The following PACRG variants were observed in gnomAD, a reference collection of about 807,000 sequenced individuals.
The protein encoded by PACRG is parkin coregulated gene protein.
In PACRG, 29 loss-of-function variants were observed where a neutral mutation model predicts 29.7. That is an observed-to-expected ratio of 0.98 (90% confidence interval 0.73 to 1.33). The LOEUF (loss-of-function observed/expected upper bound fraction) is 1.33. Among genes scored for constraint, PACRG ranks in the 40% most tolerant of loss-of-function variants. The pLI, the probability that PACRG is intolerant of heterozygous loss-of-function variation, is 0.00. For missense variants in PACRG, 279 were observed against 316.2 expected, an observed-to-expected ratio of 0.88 and a Z score of 0.89; for synonymous variants, 116 against 118.7, an observed-to-expected ratio of 0.98 and a Z score of 0.15.
intron 1 of PACRG, among the ~76,000 whole-genome samples, chr6:162,755,679 C>T (rs1429994284): frequency 6.6e-6 from 1 of 152,108 alleles, no homozygotes; most frequent in Non-Finnish European, 1.5e-5. Flanking sequence ...TCAAATGGTC[C>T]ACCCACCTTG....
chr6:163,032,167 A>T (rs1187289075), intron 2 of PACRG, among the ~76,000 whole-genome samples: 2 of 152,272 alleles, frequency 1.3e-5, no homozygotes, highest in African/African-American at 4.8e-5. Context: ...TAATTGCTAA[A>T]AAGCTGTAAA....
chr6:162,800,098 C>T (rs1421281794), intron 1 of PACRG, among the ~76,000 whole-genome samples: 7 of 152,144 alleles, frequency 4.6e-5, no homozygotes, highest in Admixed American at 3.9e-4. Flanking sequence ...ATAGCATAGT[C>T]TAAATTGAAG....
At chr6:162,850,603 C>T (rs974400155) in intron 2 of PACRG, among the ~76,000 whole-genome samples, 1 of 152,164 alleles carries the variant, frequency 6.6e-6, no homozygotes, top group Non-Finnish European at 1.5e-5. Flanking sequence ...AAGGACAGGG[C>T]TCAGGGAGCT....
chr6:163,069,298 A>AC (rs1348686266), intron 3 of PACRG, among the ~76,000 whole-genome samples: 1 of 152,072 alleles, frequency 6.6e-6, no homozygotes, highest in East Asian at 1.9e-4. Flanking sequence ...AAAAAAAAAA[A>AC]AAAAAGTAAG....
At chr6:162,956,673 G>T (rs375578397) in intron 2 of PACRG, among the ~76,000 whole-genome samples, 6 of 152,256 alleles carry the variant, frequency 3.9e-5, no homozygotes, top group African/African-American at 1.4e-4. Context: ...TCCTGCAGCC[G>T]CATGGCCTTC....
chr6:163,208,372 A>G (rs1417040345), intron 4 of PACRG, among the ~76,000 whole-genome samples: 1 of 152,010 alleles, frequency 6.6e-6, no homozygotes, highest in Non-Finnish European at 1.5e-5. Flanking sequence ...CAAATTAGAA[A>G]AAGGATAATT....
At chr6:163,264,655 T>G (rs1783459258) in intron 4 of PACRG, among the ~76,000 whole-genome samples, 1 of 152,162 alleles carries the variant, frequency 6.6e-6, no homozygotes, top group Admixed American at 6.5e-5. Flanking sequence ...GAGGGCAATT[T>G]GCAGGGTATA....
intron 2 of PACRG, among the ~76,000 whole-genome samples, chr6:163,033,468 G>C (rs950405491): frequency 1.3e-5 from 2 of 152,126 alleles, no homozygotes; most frequent in African/African-American, 4.8e-5. Flanking sequence ...AATATTTATA[G>C]TTCTGAAGAT....
chr6:163,015,350 T>A (rs1805995890), intron 2 of PACRG, among the ~76,000 whole-genome samples: 1 of 152,206 alleles, frequency 6.6e-6, no homozygotes, highest in Admixed American at 6.5e-5. Flanking sequence ...TGGTTCTATA[T>A]GAATTTTAGA....
At chr6:163,260,276 C>T (rs1310238121) in intron 4 of PACRG, among the ~76,000 whole-genome samples, 1 of 152,256 alleles carries the variant, frequency 6.6e-6, no homozygotes, top group Admixed American at 6.5e-5. Flanking sequence ...TGACGCCAAC[C>T]CGGCCGCTTC....
At chr6:162,880,578 A>G (rs1194364532) in intron 2 of PACRG, among the ~76,000 whole-genome samples, 2 of 152,234 alleles carry the variant, frequency 1.3e-5, no homozygotes, top group African/African-American at 4.8e-5. Flanking sequence ...ATAGAAAAAT[A>G]TAACGCTTCA....
chr6:162,730,979 C>G (rs1282033238), intron 1 of PACRG, among the ~76,000 whole-genome samples: 1 of 152,082 alleles, frequency 6.6e-6, no homozygotes, highest in Non-Finnish European at 1.5e-5. Flanking sequence ...CTGTGCTGAA[C>G]AAGCTTATCA....
chr6:162,952,766 G>C (rs142396993), intron 2 of PACRG, among the ~76,000 whole-genome samples: 8 of 152,356 alleles, frequency 5.3e-5, no homozygotes, highest in Middle Eastern at 6.8e-3. Context: ...GGAAGAGGTA[G>C]AGAATGGCTT....
intron 1 of PACRG, among the ~76,000 whole-genome samples, chr6:162,734,040 T>C (rs1428032496): frequency 6.6e-6 from 1 of 152,224 alleles, no homozygotes; most frequent in East Asian, 1.9e-4. Context: ...TGGCACATAG[T>C]AGCTGCCATT....
chr6:162,959,840 G>C (rs1050473995), intron 2 of PACRG, among the ~76,000 whole-genome samples: 68 of 152,088 alleles, frequency 4.5e-4, no homozygotes, highest in Non-Finnish European at 8.4e-4. Flanking sequence ...AAAGAATTCT[G>C]TATATATGCA....
chr6:163,101,771 G>C (rs577503745), intron 4 of PACRG, among the ~76,000 whole-genome samples: 2 of 152,126 alleles, frequency 1.3e-5, no homozygotes, highest in Non-Finnish European at 2.9e-5. Context: ...TGCTCTCACC[G>C]TAAGCCTGGT....
chr6:162,797,227 A>G (rs1404996662), intron 1 of PACRG, among the ~76,000 whole-genome samples: 1 of 152,202 alleles, frequency 6.6e-6, no homozygotes, highest in Non-Finnish European at 1.5e-5. Context: ...GTGAGCCGAG[A>G]TCATTCCACT....
At chr6:162,784,786 A>T (rs1368977969) in intron 1 of PACRG, among the ~76,000 whole-genome samples, 1 of 152,186 alleles carries the variant, frequency 6.6e-6, no homozygotes, top group African/African-American at 2.4e-5. Context: ...CTAGAGCAAT[A>T]CTTGAAAAGG....
At chr6:162,794,182 G>A (rs1785180611) in intron 1 of PACRG, among the ~76,000 whole-genome samples, 2 of 151,876 alleles carry the variant, frequency 1.3e-5, no homozygotes, top group African/African-American at 4.8e-5. Flanking sequence ...TGTTTTATTA[G>A]TGTTCTATTT....
Sources: gnomAD v4.1 joint callset for allele counts (sites outside exome capture counted in the v4.1 genomes callset) on GRCh38, gnomAD v4.1.1 for gene constraint, MANE v1.5 for transcripts, NCBI Gene and HGNC (gene_info 2026-07-23, HGNC 2026-07-21) for gene names.